The following TAFA5 variants were observed in gnomAD, a reference collection of about 807,000 sequenced individuals.
TAFA5 encodes the protein TAFA chemokine like family member 5.
Under a neutral mutation model 15.3 loss-of-function variants are expected in TAFA5, and 6 were observed. The observed-to-expected ratio is 0.39, with a 90% CI of 0.21 to 0.77. The LOEUF is 0.77. TAFA5 is among the 30% of genes least tolerant of loss of function. The pLI, the probability that TAFA5 is intolerant of heterozygous loss-of-function variation, is 0.41. For synonymous variants in TAFA5, 103 were observed against 80.7 expected (o/e 1.28, Z -1.48); for missense variants, 161 against 193.1 (o/e 0.83, Z 0.98).
At chr22:48,638,744 G>T (rs539779569) in intron 1 of TAFA5, among the ~76,000 whole-genome samples, 1 of 123,942 alleles carries the variant, frequency 8.1e-6, no homozygotes, top group Non-Finnish European at 1.6e-5. Flanking sequence ...TAAGCCCTGG[G>T]ACACCACACA....
intron 1 of TAFA5, among the ~76,000 whole-genome samples, chr22:48,515,686 C>T (rs1208109889): frequency 6.6e-6 from 1 of 152,212 alleles, no homozygotes; most frequent in Non-Finnish European, 1.5e-5. Context: ...CATCCAATGC[C>T]CAATGCAAGC....
chr22:48,589,095 T>C (rs1361148377), intron 1 of TAFA5, among the ~76,000 whole-genome samples: 3 of 152,166 alleles, frequency 2.0e-5, no homozygotes, highest in Admixed American at 2.0e-4. Flanking sequence ...GACCCTCCTG[T>C]CCCCAGGGAA....
intron 2 of TAFA5, among the ~76,000 whole-genome samples, chr22:48,700,129 A>T (rs1928858014): frequency 6.6e-6 from 1 of 152,156 alleles, no homozygotes; most frequent in African/African-American, 2.4e-5. Context: ...CACACTTAAG[A>T]CTGTGCTGGA....
In TAFA5 at chr22:48,540,596, C is replaced by CTTT. The variant is rs35003128; in HGVS notation, c.112+50903_112+50905dup. 3.0e-3 allele frequency among the ~76,000 whole-genome samples: 435 copies of CTTT among 144,240 alleles called. 1 individual carries two copies. The highest frequency in any genetic ancestry group is 5.4e-3 in the East Asian group (27 of 4,962). The allele number at this position is 144,240 out of a possible 152,430, so 94.6% of individuals were successfully genotyped here. On this transcript the variant is annotated intron_variant, in intron 1 of 3. Coordinates refer to ENST00000402357, the MANE Select transcript of TAFA5 (RefSeq NM_001082967.3). The stretch of plus-strand genomic sequence containing the variant: ...AGCGCAGATATGCACAGGAGTTTGC[C>CTTT]TTTTTTTTTTTTTGCCTCAAATGCA...
At chr22:48,683,135 T>C (rs1928247180) in intron 2 of TAFA5, among the ~76,000 whole-genome samples, 1 of 152,092 alleles carries the variant, frequency 6.6e-6, no homozygotes, top group African/African-American at 2.4e-5. Flanking sequence ...AGCTACAGGG[T>C]CACAGCCAGG....
chr22:48,553,842 A>T (rs941147590), intron 1 of TAFA5, among the ~76,000 whole-genome samples: 6 of 152,150 alleles, frequency 3.9e-5, no homozygotes, highest in Admixed American at 2.6e-4. Flanking sequence ...CCTGGAATCC[A>T]ACCGAGAACT....
chr22:48,665,892 G>A (rs1379085489), intron 2 of TAFA5, among the ~76,000 whole-genome samples: 1 of 151,868 alleles, frequency 6.6e-6, no homozygotes, highest in East Asian at 1.9e-4. Flanking sequence ...GAACATCGCA[G>A]GGTGGGATTC....
chr22:48,589,977 T>C (rs551362699), intron 1 of TAFA5, among the ~76,000 whole-genome samples: 2 of 137,418 alleles, frequency 1.5e-5, no homozygotes, highest in Admixed American at 7.7e-5. Flanking sequence ...CACAGGGGAT[T>C]GCAGCCGACG....
At chr22:48,719,131 G>A (rs1929491776) in intron 3 of TAFA5, among the ~76,000 whole-genome samples, 1 of 152,220 alleles carries the variant, frequency 6.6e-6, no homozygotes, top group East Asian at 1.9e-4. Context: ...GGGGAGGTGT[G>A]CAGACATTCC....
At chr22:48,608,928 C>T (rs940992758) in intron 1 of TAFA5, among the ~76,000 whole-genome samples, 1 of 152,334 alleles carries the variant, frequency 6.6e-6, no homozygotes, top group Non-Finnish European at 1.5e-5. Flanking sequence ...CTTTGCTGTC[C>T]GCAGTATCTG....
chr22:48,610,386 C>G (rs1179816469), intron 1 of TAFA5, among the ~76,000 whole-genome samples: 1 of 152,260 alleles, frequency 6.6e-6, no homozygotes, highest in East Asian at 1.9e-4. Flanking sequence ...GTCACGAGGT[C>G]CTCGCCTTGC....
chr22:48,624,448 A>G (rs922053589), intron 1 of TAFA5, among the ~76,000 whole-genome samples: 1 of 151,870 alleles, frequency 6.6e-6, no homozygotes, highest in Non-Finnish European at 1.5e-5. Flanking sequence ...GGACACATCC[A>G]CTCTACTTGG....
At chr22:48,574,121 CTTA>C (rs956896027) in intron 1 of TAFA5, among the ~76,000 whole-genome samples, 4 of 152,102 alleles carry the variant, frequency 2.6e-5, no homozygotes, top group African/African-American at 9.7e-5. Flanking sequence ...CAGTGGGGTG[CTTA>C]TAGGAAATGG....
chr22:48,604,830 G>T (rs994043750), intron 1 of TAFA5, among the ~76,000 whole-genome samples: 1 of 152,180 alleles, frequency 6.6e-6, no homozygotes, highest in Non-Finnish European at 1.5e-5. Context: ...CTTCTTAGCA[G>T]TTGGATTTGG....
At chr22:48,661,802 G>A (rs1927449526) in intron 2 of TAFA5, among the ~76,000 whole-genome samples, 1 of 152,220 alleles carries the variant, frequency 6.6e-6, no homozygotes, top group South Asian at 2.1e-4. Context: ...ACACAAGTCT[G>A]CAGAAATGAA....
intron 3 of TAFA5, among the ~76,000 whole-genome samples, chr22:48,723,897 T>C (rs1284008774): frequency 6.6e-6 from 1 of 152,240 alleles, no homozygotes; most frequent in East Asian, 1.9e-4. Context: ...TTTCCACATG[T>C]GGTATCTTCC....
At chr22:48,693,475 G>C (rs552718125) in intron 2 of TAFA5, 5 of 1,577,620 alleles carry the variant, frequency 3.2e-6, no homozygotes, top group East Asian at 2.3e-5. Context: ...TCAACCATGG[G>C]TAGATGAGGA....
intron 1 of TAFA5, among the ~76,000 whole-genome samples, chr22:48,602,100 A>G (rs1924995680): frequency 6.6e-6 from 1 of 152,034 alleles, no homozygotes; most frequent in Non-Finnish European, 1.5e-5. Flanking sequence ...TGGTGCGAGA[A>G]TGTGCCGACT....
At chr22:48,551,468 A>G (rs1922853412) in intron 1 of TAFA5, among the ~76,000 whole-genome samples, 1 of 152,208 alleles carries the variant, frequency 6.6e-6, no homozygotes, top group South Asian at 2.1e-4. Flanking sequence ...GAGCTGCATG[A>G]GCAGGATGGG....
Sources: gnomAD v4.1 joint callset for allele counts (sites outside exome capture counted in the v4.1 genomes callset) on GRCh38, gnomAD v4.1.1 for gene constraint, MANE v1.5 for transcripts, NCBI Gene and HGNC (gene_info 2026-07-23, HGNC 2026-07-21) for gene names.